TLR5: variants seen among roughly 807,000 people sequenced by gnomAD.
The protein encoded by TLR5 is toll-like receptor 5.
For missense variants in TLR5, 944 were observed against 999.8 expected (o/e 0.94, Z 0.75); for synonymous variants, 373 against 384.4 (o/e 0.97, Z 0.35).
chr1:223,110,361 A>G lies in TLR5; in HGVS notation c.*94T>C, dbSNP rs1000924037. 5.9e-5 allele frequency: 80 copies of G among 1,361,118 alleles called. No individual in the cohort carries two copies. Among genetic ancestry groups the G allele is most frequent in the Non-Finnish European group, 7.6e-5 (75 of 981,200 alleles). 84.3% of individuals were successfully genotyped at this position (1,361,118 alleles called of 1,614,324 possible). On this transcript the variant is annotated 3_prime_UTR_variant, in exon 6 of 6. Transcript: ENST00000642603. ...TTCATAGTAGCAAAAAGAAAAAAAA[A>G]ACCTCCAGAGAGGACCCCAAAATGA...
In TLR5 at chr1:223,112,030, T is replaced by A. The variant is rs927104121; in HGVS notation, c.1002A>T (p.Gly334=). 6.2e-7 allele frequency: 1 copy of A among 1,614,198 alleles called. No homozygotes were observed. The highest frequency in any genetic ancestry group is 8.5e-7 in the Non-Finnish European group (1 of 1,180,038). ...INKIADEAFY[G]LDNLQVLNLS... ...AATTGAGAACTTGGAGGTTGTCAAG[T>A]CCGTAAAATGCTTCATCTGCAATCT... The change falls in exon 6 of 6, where the codon GGA becomes GGT. Residue 334 remains glycine, a synonymous_variant. Transcript: ENST00000642603.
intron 2 of TLR5, among the ~76,000 whole-genome samples, chr1:223,140,371 A>C (rs898248068): frequency 6.6e-6 from 1 of 152,120 alleles, no homozygotes; most frequent in African/African-American, 2.4e-5. Context: ...ACATGGTGAA[A>C]TCCCATCTCT....
At chr1:223,114,913 G>A (rs1656551086) in intron 5 of TLR5, among the ~76,000 whole-genome samples, 2 of 151,942 alleles carry the variant, frequency 1.3e-5, no homozygotes, top group African/African-American at 4.8e-5. Context: ...AGTCCTGTTG[G>A]TGCCACCTCC....
rs1657542620 is a variant in TLR5 at position 223,134,821 on chromosome 1, G to A, written c.-309C>T. ...GGAAAGCTGGGCAACTATAAGGTCAGGGGGCTGGAGCAGATGAGAGTAGGG... is the reference window on the plus strand; with the variant it reads ...GGAAAGCTGGGCAACTATAAGGTCAAGGGGCTGGAGCAGATGAGAGTAGGG... On this transcript the variant is annotated 5_prime_UTR_variant, in exon 4 of 6. Coordinates refer to ENST00000642603, the MANE Select transcript of TLR5 (RefSeq NM_003268.6). 6.6e-6 allele frequency: 1 copy of A among 152,320 alleles called. No individual in the cohort carries two copies. The highest frequency in any genetic ancestry group is 6.5e-5 in the Admixed American group (1 of 15,276). The allele number at this position is 152,320 out of a possible 1,614,324, so 9.4% of individuals were successfully genotyped here.
chr1:223,116,980 G>T (rs1331542650), intron 5 of TLR5, among the ~76,000 whole-genome samples: 1 of 152,204 alleles, frequency 6.6e-6, no homozygotes, highest in Non-Finnish European at 1.5e-5. Context: ...CAGTCCTTGG[G>T]TGGTCGATGG....
chr1:223,137,975 T>TTTTTTTG (rs1657681506), intron 2 of TLR5, among the ~76,000 whole-genome samples: 2 of 144,052 alleles, frequency 1.4e-5, no homozygotes, highest in Admixed American at 1.4e-4. Flanking sequence ...TTTTTTTTTT[T>TTTTTTTG]TGAGACCAGG....
intron 5 of TLR5, among the ~76,000 whole-genome samples, chr1:223,122,125 C>T (rs1039795567): frequency 3.3e-5 from 5 of 152,210 alleles, no homozygotes; most frequent in African/African-American, 7.2e-5. Flanking sequence ...CAGGCTTTCT[C>T]AGGTGCCATG....
At chr1:223,129,464 G>A (rs1456733567) in intron 5 of TLR5, 1 of 152,288 alleles carries the variant, frequency 6.6e-6, no homozygotes. Context: ...CCGACCCGGA[G>A]CGCGCTGCTG....
At chr1:223,133,388 GC>G (rs1657469195) in intron 4 of TLR5, among the ~76,000 whole-genome samples, 1 of 152,140 alleles carries the variant, frequency 6.6e-6, no homozygotes, top group South Asian at 2.1e-4. Flanking sequence ...ACCTGAAACG[GC>G]CCGCCTGAGA....
In TLR5 at chr1:223,110,913, C is replaced by T. The variant is rs200184447; in HGVS notation, c.2119G>A (p.Val707Met). ...LCFSSKDFTW[V>M]QNALLKHLDT... ...AGGTGTTTGAGCAAAGCATTCTGCA[C>T]CCATGTGAAGTCTTTGCTGCTGAAG... The change falls in exon 6 of 6, where the codon GTG becomes ATG. Residue 707 changes from valine (V) to methionine (M), a missense_variant. Val to Met is a conservative substitution (Grantham distance 21, BLOSUM62 1). Transcript: ENST00000642603. The T allele has an allele frequency of 2.5e-5, 40 of 1,614,096 alleles. No individual in the cohort carries two copies. In the Admixed American group the frequency reaches 5.3e-4, roughly 22 times the overall value.
chr1:223,135,449 G>GGA (rs1406032411), intron 3 of TLR5, among the ~76,000 whole-genome samples: 1 of 152,186 alleles, frequency 6.6e-6, no homozygotes, highest in Non-Finnish European at 1.5e-5. Context: ...ACTTGCTAGT[G>GGA]GTGGTTACTT....
chr1:223,127,599 C>T (rs1309912728), intron 5 of TLR5: 1 of 152,242 alleles, frequency 6.6e-6, no homozygotes, highest in Non-Finnish European at 1.5e-5. Context: ...CATTCTGCCT[C>T]TGACAACAGT....
At chr1:223,133,846 G>A (rs887748783) in intron 4 of TLR5, among the ~76,000 whole-genome samples, 2 of 152,184 alleles carry the variant, frequency 1.3e-5, no homozygotes, top group African/African-American at 4.8e-5. Flanking sequence ...GACCAGCAGA[G>A]GGCGCAAAAG....
Position 223,111,559 on chromosome 1 carries a change from A to C in TLR5, c.1473T>G (p.Thr491=). 6.2e-7 allele frequency: 1 copy of C among 1,614,180 alleles called. No homozygotes were observed. Among genetic ancestry groups the C allele is most frequent in the East Asian group, 2.2e-5 (1 of 44,868 alleles). The stretch of plus-strand genomic sequence containing the variant: ...CCTCAAAAACATCCCAACAGAGCTC[A>C]GTTTCCCAGGCAAGTTGCAACATAT... ...GENMLQLAWE[T]ELCWDVFEGL... The change falls in exon 6 of 6, where the codon ACT becomes ACG. Residue 491 remains threonine, a synonymous_variant. Coordinates refer to ENST00000642603, the MANE Select transcript of TLR5 (RefSeq NM_003268.6).
At chr1:223,125,496 T>C (rs956535934) in intron 5 of TLR5, among the ~76,000 whole-genome samples, 1 of 152,138 alleles carries the variant, frequency 6.6e-6, no homozygotes, top group Non-Finnish European at 1.5e-5. Flanking sequence ...ACAAGATTAG[T>C]AGCTCTCAGC....
At chr1:223,116,242 G>T (rs1032425994) in intron 5 of TLR5, among the ~76,000 whole-genome samples, 1 of 152,184 alleles carries the variant, frequency 6.6e-6, no homozygotes, top group African/African-American at 2.4e-5. Context: ...GAGTGTTACA[G>T]TTCTTAAAGG....
At chr1:223,142,540 C>T (rs750195729) in intron 1 of TLR5, among the ~76,000 whole-genome samples, 1 of 152,218 alleles carries the variant, frequency 6.6e-6, no homozygotes, top group Non-Finnish European at 1.5e-5. Flanking sequence ...CCCAGACCCA[C>T]CCTCGCCCCT....
In TLR5 at chr1:223,113,049, G is replaced by A. The variant is rs759819939; in HGVS notation, c.-4-14C>T. 3.1e-6 allele frequency: 5 copies of A among 1,613,786 alleles called. 1 individual carries two copies. In the Admixed American group the frequency reaches 6.7e-5, roughly 22 times the overall value. On this transcript the variant is annotated splice_polypyrimidine_tract_variant and intron_variant, in intron 5 of 5. Transcript: ENST00000642603. ...TCTCCCATGATCCTATGGAGAAGAAGGGAGAATGAAAACACAGGCATTTAA... is the reference window on the plus strand; with the variant it reads ...TCTCCCATGATCCTATGGAGAAGAAAGGAGAATGAAAACACAGGCATTTAA...
chr1:223,134,548 T>A (rs1657527529), intron 4 of TLR5, 134 bp downstream of exon 4: 1 of 152,250 alleles, frequency 6.6e-6, no homozygotes, highest in Non-Finnish European at 1.5e-5. Context: ...TTGCACATTA[T>A]AACTCTTTAG....
Sources: gnomAD v4.1 joint callset for allele counts (sites outside exome capture counted in the v4.1 genomes callset) on GRCh38, gnomAD v4.1.1 for gene constraint, MANE v1.5 for transcripts, NCBI Gene and HGNC (gene_info 2026-07-23, HGNC 2026-07-21) for gene names.